The following SMAD9 variants were observed in gnomAD, a reference collection of about 807,000 sequenced individuals.
The protein encoded by SMAD9 is MAD homolog 9.
Under a neutral mutation model 46.1 loss-of-function variants are expected in SMAD9, and 36 were observed. That is an observed-to-expected ratio of 0.78 (90% CI 0.60 to 1.03). The LOEUF (loss-of-function observed/expected upper bound fraction) is 1.03, where lower values mean the gene tolerates loss of function less well. Ranked by LOEUF, SMAD9 falls within the 50% of genes least tolerant of loss-of-function variation. The probability of loss-of-function intolerance (pLI) is 0.00; values close to 1 mark genes in which losing one functional copy is unlikely to be tolerated. For synonymous variants in SMAD9, 245 were observed against 237.1 expected, an observed-to-expected ratio of 1.03 and a Z score of -0.31; for missense variants, 572 against 599.8, an observed-to-expected ratio of 0.95 and a Z score of 0.48.
intron 1 of SMAD9, among the ~76,000 whole-genome samples, chr13:36,901,454 G>A (rs1332998686): frequency 2.1e-5 from 3 of 146,206 alleles, no homozygotes; most frequent in African/African-American, 7.6e-5. Context: ...TTGAGACAGA[G>A]TCTTGCTCTG....
At chr13:36,905,661 C>A (rs1361363815) in intron 1 of SMAD9, among the ~76,000 whole-genome samples, 2 of 151,382 alleles carry the variant, frequency 1.3e-5, no homozygotes, top group African/African-American at 2.4e-5. Context: ...ATAGTCTCAG[C>A]TACTAGGAAG....
intron 1 of SMAD9, among the ~76,000 whole-genome samples, chr13:36,897,210 T>C (rs2058536168): frequency 1.3e-5 from 2 of 152,254 alleles, no homozygotes; most frequent in Admixed American, 6.5e-5. Context: ...CATCTGACCA[T>C]CACCCACAGT....
At chr13:36,906,121 CA>C (rs1220200499) in intron 1 of SMAD9, among the ~76,000 whole-genome samples, 1 of 151,938 alleles carries the variant, frequency 6.6e-6, no homozygotes, top group Non-Finnish European at 1.5e-5. Flanking sequence ...CCACAAAGGC[CA>C]AATGGCCCTT....
chr13:36,885,506 T>C (rs904344875), intron 1 of SMAD9, among the ~76,000 whole-genome samples: 4 of 152,246 alleles, frequency 2.6e-5, no homozygotes, highest in Non-Finnish European at 4.4e-5. Context: ...AATCACTTTA[T>C]GCATATACCC....
At chr13:36,917,052 G>A (rs1002504550) in intron 1 of SMAD9, among the ~76,000 whole-genome samples, 1 of 152,122 alleles carries the variant, frequency 6.6e-6, no homozygotes, top group Non-Finnish European at 1.5e-5. Flanking sequence ...GACACCAAAG[G>A]AGAGCAGAAT....
At chr13:36,854,358 C>A (rs1406598195) in intron 5 of SMAD9, among the ~76,000 whole-genome samples, 1 of 151,730 alleles carries the variant, frequency 6.6e-6, no homozygotes, top group Non-Finnish European at 1.5e-5. Flanking sequence ...CTTCATTGTA[C>A]ATACACAAAT....
intron 1 of SMAD9, among the ~76,000 whole-genome samples, chr13:36,900,188 C>T (rs1430516057): frequency 6.6e-6 from 1 of 152,198 alleles, no homozygotes; most frequent in Admixed American, 6.5e-5. Flanking sequence ...GTTTTTCCAA[C>T]GTTCTTCATG....
At position 36,879,334 on chromosome 13, in the gene SMAD9, G is replaced by A. The variant is rs779117385; in HGVS notation, c.356C>T (p.Ser119Phe). 1.2e-6 allele frequency: 2 copies of A among 1,614,136 alleles called. No individual in the cohort carries two copies. The highest frequency in any genetic ancestry group is 2.2e-5 in the South Asian group (2 of 91,088). ...PLECCEFPFGSKQKEVCINPY... is the reference protein window; with the variant it reads ...PLECCEFPFGFKQKEVCINPY... ...GTTAATGCACACTTCTTTCTGCTTGGAGCCAAATGGGAACTCACAGCACTC... is the reference window on the plus strand; with the variant it reads ...GTTAATGCACACTTCTTTCTGCTTGAAGCCAAATGGGAACTCACAGCACTC... Residue 119 changes from serine to phenylalanine, a missense_variant, in exon 2 of 7, where the codon TCC becomes TTC. Ser to Phe is a radical substitution (Grantham distance 155). Transcript: ENST00000379826.
chr13:36,872,558 G>T, intron 3 of SMAD9, 100 bp downstream of exon 3: 2 of 1,335,026 alleles, frequency 1.5e-6, no homozygotes, highest in South Asian at 1.2e-5. Flanking sequence ...TATACTATAT[G>T]AATGACAGTT....
intron 1 of SMAD9, among the ~76,000 whole-genome samples, chr13:36,910,668 A>T (rs1193979694): frequency 6.6e-6 from 1 of 152,036 alleles, no homozygotes; most frequent in East Asian, 1.9e-4. Flanking sequence ...GTGCAGCTCT[A>T]TCTTTCCTGC....
intron 6 of SMAD9, among the ~76,000 whole-genome samples, chr13:36,853,160 C>T (rs1241659462): frequency 6.6e-6 from 1 of 152,108 alleles, no homozygotes; most frequent in East Asian, 1.9e-4. Flanking sequence ...TGGTGCGTGC[C>T]TGTAGTCCCA....
rs1323446394 is a variant in SMAD9 at position 36,848,655 on chromosome 13, A to G, written c.*21T>C. ...CTGCAATAGCCTCTATCCTATGGAA[A>G]TGCAGCTTAAGACATGACTGTTAAG... On this transcript the variant is annotated 3_prime_UTR_variant, in exon 7 of 7. Transcript: ENST00000379826. 6.2e-7 allele frequency: 1 copy of G among 1,613,184 alleles called. No homozygotes were observed. The highest frequency in any genetic ancestry group is 2.2e-5 in the East Asian group (1 of 44,882).
At chr13:36,913,544 G>C (rs2058677027) in intron 1 of SMAD9, among the ~76,000 whole-genome samples, 1 of 152,078 alleles carries the variant, frequency 6.6e-6, no homozygotes, top group Non-Finnish European at 1.5e-5. Flanking sequence ...AGTGTATTTA[G>C]AATATCTTGT....
At position 36,863,450 on chromosome 13, in the gene SMAD9, G is replaced by C. The variant is rs537543388; in HGVS notation, c.1003+2087C>G. 7.2e-4 allele frequency among the ~76,000 whole-genome samples: 110 copies of C among 152,306 alleles called. 1 individual carries two copies. Among genetic ancestry groups the C allele is most frequent in the African/African-American group, 2.6e-3 (107 of 41,556 alleles). ...GAACAGGTCATCAGTCCCAGCTCTT[G>C]CTCATGTGGCTTCTTAACCCTAAAG... is the stretch of plus-strand genomic sequence containing the variant. On this transcript the variant is annotated intron_variant, in intron 5 of 6. Coordinates refer to ENST00000379826, the MANE Select transcript of SMAD9 (RefSeq NM_001127217.3).
At chr13:36,882,632 T>G (rs2058413783) in intron 1 of SMAD9, among the ~76,000 whole-genome samples, 1 of 152,190 alleles carries the variant, frequency 6.6e-6, no homozygotes, top group Admixed American at 6.5e-5. Context: ...AGAGTTAAAC[T>G]TAGAACTTCA....
chr13:36,860,422 T>G (rs2138342467), intron 5 of SMAD9, among the ~76,000 whole-genome samples: 1 of 151,810 alleles, frequency 6.6e-6, no homozygotes, highest in East Asian at 1.9e-4. Context: ...ATCACTTATT[T>G]TCTCCCACAA....
At chr13:36,913,191 T>C (rs991734306) in intron 1 of SMAD9, among the ~76,000 whole-genome samples, 1 of 152,220 alleles carries the variant, frequency 6.6e-6, no homozygotes, top group Admixed American at 6.5e-5. Context: ...AATAGAGAAA[T>C]AAACCCAAAT....
Position 36,879,264 on chromosome 13 carries a change from T to C in SMAD9, c.412+14A>G. The C allele has an allele frequency of 1.2e-6, 2 of 1,613,222 alleles. No individual in the cohort carries two copies. Among genetic ancestry groups the C allele is most frequent in the Non-Finnish European group, 1.7e-6 (2 of 1,179,398 alleles). ...ACTCTGAAAATAAACCTTGACGTCG[T>C]AAAGACGACCCACCTGGAGTCTCCA... is the stretch of plus-strand genomic sequence containing the variant. On this transcript the variant is annotated intron_variant, in intron 2 of 6. Transcript: ENST00000379826.
chr13:36,873,835 C>A (rs1034430948), intron 2 of SMAD9, among the ~76,000 whole-genome samples: 4 of 152,250 alleles, frequency 2.6e-5, no homozygotes, highest in East Asian at 1.9e-4. Context: ...TGCACTCCAG[C>A]CTGGGTGACA....
Sources: gnomAD v4.1 joint callset for allele counts (sites outside exome capture counted in the v4.1 genomes callset) on GRCh38, gnomAD v4.1.1 for gene constraint, MANE v1.5 for transcripts, NCBI Gene and HGNC (gene_info 2026-07-23, HGNC 2026-07-21) for gene names.